The following BMPER variants were observed in gnomAD, a reference collection of about 807,000 sequenced individuals.
BMPER encodes the protein BMP binding endothelial regulator.
BMPER carries 45 observed loss-of-function variants against 87.3 expected under a neutral mutation model. The ratio of observed to expected loss-of-function variants is 0.52; its 90% CI spans 0.41 to 0.66. The LOEUF is 0.66. Ranked by LOEUF, BMPER falls within the 30% of genes least tolerant of loss-of-function variation. BMPER has a pLI of 0.00. For synonymous variants in BMPER, 326 were observed against 316.2 expected (o/e 1.03, Z -0.33); for missense variants, 784 against 867.5 (o/e 0.90, Z 1.21).
At chr7:34,115,114 G>A (rs979149824) in intron 13 of BMPER, among the ~76,000 whole-genome samples, 1 of 152,132 alleles carries the variant, frequency 6.6e-6, no homozygotes, top group African/African-American at 2.4e-5. Context: ...GTGCTTCAGG[G>A]GTTACAAAGC....
chr7:33,933,742 A>G (rs1250608827), intron 2 of BMPER, among the ~76,000 whole-genome samples: 2 of 152,170 alleles, frequency 1.3e-5, no homozygotes, highest in African/African-American at 4.8e-5. Flanking sequence ...TGGAGCCACC[A>G]GGAAGACACC....
At chr7:34,012,083 T>C (rs1390744782) in intron 6 of BMPER, among the ~76,000 whole-genome samples, 1 of 151,730 alleles carries the variant, frequency 6.6e-6, no homozygotes, top group African/African-American at 2.4e-5. Context: ...AAGAAGGAAA[T>C]AAGAGAAATC....
At chr7:33,967,582 T>C (rs1331036018) in intron 4 of BMPER, among the ~76,000 whole-genome samples, 2 of 152,226 alleles carry the variant, frequency 1.3e-5, no homozygotes, top group Non-Finnish European at 2.9e-5. Flanking sequence ...GGTAAACACA[T>C]ATAAATAATA....
intron 13 of BMPER, among the ~76,000 whole-genome samples, chr7:34,129,640 G>GAAAGAAAGA (rs1790521270): frequency 6.7e-6 from 1 of 148,538 alleles, no homozygotes; most frequent in African/African-American, 2.5e-5. Context: ...GAGAAAGAAA[G>GAAAGAAAGA]AAAGAAAGAA....
At chr7:34,146,915 C>G (rs905599577) in intron 14 of BMPER, among the ~76,000 whole-genome samples, 1 of 152,190 alleles carries the variant, frequency 6.6e-6, no homozygotes, top group Non-Finnish European at 1.5e-5. Context: ...TTCCCTATCA[C>G]TGGTGGTTGT....
At chr7:33,905,074 G>C (rs112890951), upstream of BMPER, 1 of 158,290 alleles carries the variant, frequency 6.3e-6, no homozygotes, top group Non-Finnish European at 1.4e-5. Flanking sequence ...GAGGCGCCCG[G>C]TGAGCCCACG....
chr7:33,986,009 G>A (rs1375203551), intron 6 of BMPER, among the ~76,000 whole-genome samples: 2 of 152,150 alleles, frequency 1.3e-5, no homozygotes, highest in African/African-American at 4.8e-5. Flanking sequence ...AAGTGAGTCA[G>A]CATTGTCAGT....
At chr7:33,905,816 C>T in intron 1 of BMPER, 70 bp downstream of exon 1, 1 of 601,062 alleles carries the variant, frequency 1.7e-6, no homozygotes, top group Non-Finnish European at 2.9e-6. Flanking sequence ...GTGGCGCTGG[C>T]TTGCCCCGGG....
rs1414252681 is a variant in BMPER, at chr7:34,143,265, A to C, written c.1781A>C (p.His594Pro). The change falls in exon 14 of 15, where the codon CAT (histidine) becomes CCT (proline). Residue 594 changes from histidine (H) to proline (P), a missense_variant. Transcript: ENST00000649409. ...ACAGACATGTGTGAATGTCCAGTCC[A>C]TAAAAACTGTTATTGCGAGTCATTT... ...CVTDMCECPVHKNCYCESFLA... is the reference protein window; with the variant it reads ...CVTDMCECPVPKNCYCESFLA... The C allele has an allele frequency of 6.2e-7, 1 of 1,614,104 alleles. No homozygotes were observed.
At chr7:34,147,292 C>A (rs1791053955) in intron 14 of BMPER, among the ~76,000 whole-genome samples, 1 of 152,202 alleles carries the variant, frequency 6.6e-6, no homozygotes, top group African/African-American at 2.4e-5. Flanking sequence ...TGGTGACCTT[C>A]AGCACCCCAT....
chr7:34,094,789 G>A (rs62449755), intron 13 of BMPER, among the ~76,000 whole-genome samples: 3,521 of 152,214 alleles, frequency 0.023, 37 homozygotes, highest in Middle Eastern at 0.044. Context: ...TCCAGATAAG[G>A]CACGTATCCA....
At chr7:34,114,528 A>G (rs1352152204) in intron 13 of BMPER, among the ~76,000 whole-genome samples, 1 of 152,254 alleles carries the variant, frequency 6.6e-6, no homozygotes, top group Non-Finnish European at 1.5e-5. Flanking sequence ...TGCATGTGCA[A>G]ATAAAAGAGG....
chr7:34,068,934 A>G lies in BMPER; in HGVS notation c.1078+6887A>G, dbSNP rs190865277. Among the ~76,000 whole-genome samples the G allele has an allele frequency of 3.2e-4, 48 of 152,358 alleles. No individual in the cohort carries two copies. The East Asian group carries it at 8.7e-3, about 28-fold the overall frequency. ...CATATTTTTAAAAATCTCCTAATCCAGTATTCATTCTACAGGCCTCCCTGG... is the reference window on the plus strand; with the variant it reads ...CATATTTTTAAAAATCTCCTAATCCGGTATTCATTCTACAGGCCTCCCTGG... On this transcript the variant is annotated intron_variant, in intron 11 of 14. Coordinates refer to ENST00000649409, the MANE Select transcript of BMPER (RefSeq NM_001365308.1).
chr7:33,924,178 C>T (rs953186928), intron 2 of BMPER, among the ~76,000 whole-genome samples: 1 of 152,222 alleles, frequency 6.6e-6, no homozygotes, highest in African/African-American at 2.4e-5. Context: ...CCATGGGGTC[C>T]TGGATTCCTC....
intron 6 of BMPER, among the ~76,000 whole-genome samples, chr7:34,000,409 CT>C: frequency 6.6e-6 from 1 of 151,924 alleles, no homozygotes. Context: ...TGAAGGTTGA[CT>C]ATATATTAGA....
chr7:34,130,771 GA>G (rs1790563513), intron 13 of BMPER, among the ~76,000 whole-genome samples: 1 of 152,178 alleles, frequency 6.6e-6, no homozygotes, highest in Admixed American at 6.5e-5. Context: ...GGGGATCTCA[GA>G]AACCTTCCCT....
At chr7:34,002,712 G>A (rs924026979) in intron 6 of BMPER, among the ~76,000 whole-genome samples, 1 of 151,680 alleles carries the variant, frequency 6.6e-6, no homozygotes, top group African/African-American at 2.4e-5. Flanking sequence ...GTGCATATAT[G>A]TTTATAATTG....
chr7:34,153,130 G>T lies in BMPER; in HGVS notation c.1915G>T (p.Gly639Cys). The part of the protein sequence containing the change: ...CKHGAVYDTC[G>C]PGCIKTCDNW... ...GCATGGTGCTGTGTACGATACCTGT[G>T]GTCCGGGATGTATCAAGACGTGTGA... The change falls in exon 15 of 15, where the codon GGT becomes TGT. Residue 639 changes from glycine to cysteine, a missense_variant. Transcript: ENST00000649409. The T allele has an allele frequency of 6.2e-7, 1 of 1,613,976 alleles. No homozygotes were observed. Among genetic ancestry groups the T allele is most frequent in the Non-Finnish European group, 8.5e-7 (1 of 1,179,936 alleles).
At chr7:34,068,483 C>G (rs979297581) in intron 11 of BMPER, among the ~76,000 whole-genome samples, 1 of 152,224 alleles carries the variant, frequency 6.6e-6, no homozygotes, top group African/African-American at 2.4e-5. Flanking sequence ...AATGGAGACT[C>G]AAGTCCCCAG....
Sources: gnomAD v4.1 joint callset for allele counts (sites outside exome capture counted in the v4.1 genomes callset) on GRCh38, gnomAD v4.1.1 for gene constraint, MANE v1.5 for transcripts, NCBI Gene and HGNC (gene_info 2026-07-23, HGNC 2026-07-21) for gene names.